Variants in NREP observed in about 807,000 individuals in gnomAD.
NREP encodes neuronal regeneration-related protein.
In NREP, 5 loss-of-function variants were observed where a neutral mutation model predicts 8.6. The observed-to-expected ratio is 0.58, with a 90% CI of 0.30 to 1.22. NREP has a LOEUF of 1.22. NREP is among the 50% of genes most tolerant of loss of function. The probability of loss-of-function intolerance (pLI) is 0.07; values close to 1 mark genes in which losing one functional copy is unlikely to be tolerated. For synonymous variants in NREP, 27 were observed against 28.0 expected (o/e 0.96, Z 0.11); for missense variants, 86 against 82.5 (o/e 1.04, Z -0.17).
chr5:111,904,702 T>C (rs1324705944), intron 2 of NREP, among the ~76,000 whole-genome samples: 2 of 152,158 alleles, frequency 1.3e-5, no homozygotes, highest in African/African-American at 4.8e-5. Context: ...TAAAGGCCCT[T>C]GGAGATCGAC....
At chr5:111,893,883 C>A (rs1182457534) in intron 2 of NREP, among the ~76,000 whole-genome samples, 1 of 151,770 alleles carries the variant, frequency 6.6e-6, no homozygotes, top group Non-Finnish European at 1.5e-5. Context: ...TGATGTTAAA[C>A]TATGAATTGC....
intron 2 of NREP, among the ~76,000 whole-genome samples, chr5:111,960,212 C>G (rs1756442060): frequency 1.3e-5 from 2 of 152,152 alleles, no homozygotes; most frequent in East Asian, 1.9e-4. Context: ...ATCAGAGAAT[C>G]TGTGTGCATC....
intron 2 of NREP, among the ~76,000 whole-genome samples, chr5:111,851,374 C>T (rs1173435056): frequency 6.6e-6 from 1 of 152,132 alleles, no homozygotes; most frequent in Non-Finnish European, 1.5e-5. Flanking sequence ...AATACATATG[C>T]CCCCACAAAA....
intron 2 of NREP, among the ~76,000 whole-genome samples, chr5:111,908,524 A>G (rs1386408830): frequency 2.0e-5 from 3 of 152,034 alleles, no homozygotes. Flanking sequence ...AGTGAGAACA[A>G]GTGGTATTTG....
At chr5:111,813,844 A>G (rs990860045) in intron 2 of NREP, among the ~76,000 whole-genome samples, 1 of 152,100 alleles carries the variant, frequency 6.6e-6, no homozygotes, top group African/African-American at 2.4e-5. Flanking sequence ...ATACATAAGC[A>G]TGGAAAGTGC....
At chr5:111,829,033 A>G (rs919739769) in intron 2 of NREP, among the ~76,000 whole-genome samples, 10 of 152,140 alleles carry the variant, frequency 6.6e-5, no homozygotes, top group African/African-American at 2.2e-4. Context: ...CCAAGCAGAG[A>G]AAGACAAGGT....
intron 2 of NREP, among the ~76,000 whole-genome samples, chr5:111,773,380 G>A (rs2112875214): frequency 1.3e-5 from 2 of 152,222 alleles, no homozygotes. Flanking sequence ...TTGGTCCTTG[G>A]CCACTCCAAG....
chr5:111,950,602 A>T (rs770128382), intron 2 of NREP, among the ~76,000 whole-genome samples: 2 of 152,132 alleles, frequency 1.3e-5, no homozygotes, highest in Non-Finnish European at 2.9e-5. Context: ...CATCAGAGTG[A>T]ACAGGCAACC....
At chr5:111,957,231 G>C (rs1449939698) in intron 2 of NREP, among the ~76,000 whole-genome samples, 1 of 151,804 alleles carries the variant, frequency 6.6e-6, no homozygotes, top group African/African-American at 2.4e-5. Flanking sequence ...ATTAACATCA[G>C]TTATAATTGT....
At chr5:111,856,123 T>A (rs528479504) in intron 2 of NREP, among the ~76,000 whole-genome samples, 1 of 152,246 alleles carries the variant, frequency 6.6e-6, no homozygotes, top group East Asian at 1.9e-4. Context: ...TGGTGGGGGA[T>A]CTGGGAGGTT....
chr5:111,951,630 G>T (rs1007098637), intron 2 of NREP, among the ~76,000 whole-genome samples: 1 of 151,986 alleles, frequency 6.6e-6, no homozygotes, highest in Admixed American at 6.6e-5. Context: ...TGGGTTGAAG[G>T]CTCTATGAGT....
At chr5:111,783,633 C>T (rs888713288) in intron 2 of NREP, among the ~76,000 whole-genome samples, 1 of 152,128 alleles carries the variant, frequency 6.6e-6, no homozygotes, top group African/African-American at 2.4e-5. Context: ...CCTACTATTC[C>T]TAGTTTGGTG....
intron 2 of NREP, among the ~76,000 whole-genome samples, chr5:111,896,083 G>T (rs1202281238): frequency 6.6e-6 from 1 of 152,150 alleles, no homozygotes; most frequent in East Asian, 1.9e-4. Flanking sequence ...TTTTCAAAAA[G>T]ATCATCTTAG....
chr5:111,779,015 T>C (rs1259206499), intron 2 of NREP, among the ~76,000 whole-genome samples: 1 of 150,152 alleles, frequency 6.7e-6, no homozygotes, highest in African/African-American at 2.5e-5. Flanking sequence ...TTATTGAAAC[T>C]CCTTGATATA....
At chr5:111,952,676 G>A (rs1225495857) in intron 2 of NREP, among the ~76,000 whole-genome samples, 1 of 152,088 alleles carries the variant, frequency 6.6e-6, no homozygotes, top group Non-Finnish European at 1.5e-5. Flanking sequence ...TACAGTAAAG[G>A]CTGTTGATCT....
chr5:111,774,227 GGGAGGGAAGGAAGAAGGGAGGGAGGGAA>G (rs755351403), intron 2 of NREP, among the ~76,000 whole-genome samples: 2 of 150,030 alleles, frequency 1.3e-5, no homozygotes, highest in South Asian at 4.2e-4. Context: ...GAAGGAAGAA[GGGAGGGAAGGAAGAAGGGAGGGAGGGAA>G]GGAGGGAGAG....
At chr5:111,960,306 G>A (rs184696183) in intron 2 of NREP, among the ~76,000 whole-genome samples, 1 of 152,080 alleles carries the variant, frequency 6.6e-6, no homozygotes, top group Non-Finnish European at 1.5e-5. Flanking sequence ...GCTGTCCCAA[G>A]TAGGTCAAAG....
chr5:111,936,678 CA>C (rs1416961348), intron 2 of NREP, among the ~76,000 whole-genome samples: 12 of 152,112 alleles, frequency 7.9e-5, no homozygotes, highest in African/African-American at 2.9e-4. Context: ...CTCTCCCACA[CA>C]GTTGTCCCAA....
intron 2 of NREP, among the ~76,000 whole-genome samples, chr5:111,779,629 A>G (rs572983717): frequency 3.9e-5 from 6 of 152,302 alleles, no homozygotes; most frequent in African/African-American, 1.4e-4. Context: ...AACAAGTGGG[A>G]ATTTGTATTA....
Sources: gnomAD v4.1 joint callset for allele counts (sites outside exome capture counted in the v4.1 genomes callset) on GRCh38, gnomAD v4.1.1 for gene constraint, MANE v1.5 for transcripts, NCBI Gene and HGNC (gene_info 2026-07-23, HGNC 2026-07-21) for gene names.